The following RBFOX1 variants were observed in gnomAD, a reference collection of about 807,000 sequenced individuals.
The protein encoded by RBFOX1 is RNA binding fox-1 homolog 1.
A neutral mutation model predicts 57.7 loss-of-function variants in RBFOX1; 8 were observed. The observed-to-expected ratio is 0.14, with a 90% confidence interval of 0.08 to 0.25. The LOEUF (loss-of-function observed/expected upper bound fraction) is 0.25. Among genes scored for constraint, RBFOX1 ranks in the 10% least tolerant of loss-of-function variants. The pLI is 1.00. For missense variants in RBFOX1, 611 were observed against 548.5 expected, an observed-to-expected ratio of 1.11 and a Z score of -1.14; for synonymous variants, 326 against 222.4, an observed-to-expected ratio of 1.47 and a Z score of -4.15.
chr16:6,648,084 C>T (rs1365913297), intron 2 of RBFOX1, among the ~76,000 whole-genome samples: 1 of 152,136 alleles, frequency 6.6e-6, no homozygotes, highest in Non-Finnish European at 1.5e-5. Flanking sequence ...CTCAAGTGAT[C>T]CACCTGCCTT....
chr16:7,021,065 C>T (rs1013273724), intron 3 of RBFOX1, among the ~76,000 whole-genome samples: 1 of 152,080 alleles, frequency 6.6e-6, no homozygotes, highest in Admixed American at 6.6e-5. Context: ...GAGGCAGAGG[C>T]TGCAGTGAGC....
intron 1 of RBFOX1, among the ~76,000 whole-genome samples, chr16:6,144,928 T>G (rs1036556511): frequency 2.0e-5 from 3 of 152,216 alleles, no homozygotes; most frequent in Non-Finnish European, 4.4e-5. Flanking sequence ...ATTTGTATTC[T>G]GGAAAATGAA....
At chr16:7,637,456 T>C (rs1048962521) in intron 11 of RBFOX1, among the ~76,000 whole-genome samples, 1 of 152,214 alleles carries the variant, frequency 6.6e-6, no homozygotes, top group Non-Finnish European at 1.5e-5. Flanking sequence ...GTGGAATTCA[T>C]AAAACGATGA....
At chr16:5,482,219 C>G (rs956324509) in intron 2 of RBFOX1, among the ~76,000 whole-genome samples, 1 of 152,184 alleles carries the variant, frequency 6.6e-6, no homozygotes, top group Non-Finnish European at 1.5e-5. Flanking sequence ...CATGGAGCAT[C>G]CAGGGTCGGG....
intron 2 of RBFOX1, among the ~76,000 whole-genome samples, chr16:6,646,793 A>C (rs1251823903): frequency 1.3e-5 from 2 of 152,168 alleles, no homozygotes; most frequent in East Asian, 1.9e-4. Context: ...TGCTTAGCAG[A>C]CAAATTCAAG....
intron 4 of RBFOX1, among the ~76,000 whole-genome samples, chr16:7,385,915 G>C (rs1057283523): frequency 1.1e-5 from 1 of 88,966 alleles, no homozygotes; most frequent in Non-Finnish European, 2.3e-5. Context: ...ACCATGCCCA[G>C]TTACTTATTT....
At position 5,736,506 on chromosome 16, in the gene RBFOX1, G is replaced by A. The variant is rs575325120; in HGVS notation, c.319-130797G>A. Among the ~76,000 whole-genome samples, 3 of 152,228 alleles carry A rather than the reference G, an allele frequency of 2.0e-5. No individual in the cohort carries two copies. In the East Asian group the frequency reaches 5.8e-4, roughly 30 times the overall value. ...GACTCTCCTCCCTGCTTCCCAGTGAGAGGAGGGCTCGCCACCCTGTTTCCT... is the reference window on the plus strand; with the variant it reads ...GACTCTCCTCCCTGCTTCCCAGTGAAAGGAGGGCTCGCCACCCTGTTTCCT... On this transcript the variant is annotated intron_variant, in intron 3 of 19. Transcript: ENST00000641259.
chr16:5,707,037 C>T (rs749122820), intron 3 of RBFOX1, among the ~76,000 whole-genome samples: 38 of 152,166 alleles, frequency 2.5e-4, no homozygotes, highest in Admixed American at 2.2e-3. Flanking sequence ...CTCTCCACCT[C>T]CAGCAGAGCA....
chr16:7,604,234 G>C (rs1297080887), intron 9 of RBFOX1, among the ~76,000 whole-genome samples: 1 of 152,136 alleles, frequency 6.6e-6, no homozygotes, highest in East Asian at 1.9e-4. Context: ...ACTAGAAATT[G>C]GGTTTTCATT....
At chr16:5,937,048 A>G (rs2059182071) in intron 4 of RBFOX1, among the ~76,000 whole-genome samples, 1 of 152,200 alleles carries the variant, frequency 6.6e-6, no homozygotes, top group African/African-American at 2.4e-5. Flanking sequence ...AAATGGGGAT[A>G]AAATCTGGTT....
At chr16:5,852,260 C>T (rs2056916034) in intron 3 of RBFOX1, among the ~76,000 whole-genome samples, 1 of 152,152 alleles carries the variant, frequency 6.6e-6, no homozygotes, top group Non-Finnish European at 1.5e-5. Context: ...GCCCTCCCTC[C>T]CTGCCTTAGG....
chr16:7,428,641 G>A (rs111959522), intron 4 of RBFOX1, among the ~76,000 whole-genome samples: 1 of 151,550 alleles, frequency 6.6e-6, no homozygotes, highest in African/African-American at 2.4e-5. Context: ...ATAGTGCTGG[G>A]ATTACAGGTG....
At chr16:5,543,408 C>T (rs565796902) in intron 2 of RBFOX1, among the ~76,000 whole-genome samples, 1 of 152,188 alleles carries the variant, frequency 6.6e-6, no homozygotes, top group African/African-American at 2.4e-5. Flanking sequence ...GGGGTGAAAT[C>T]AACGGCGGAT....
chr16:5,715,543 C>T (rs1301846945), intron 3 of RBFOX1, among the ~76,000 whole-genome samples: 1 of 152,260 alleles, frequency 6.6e-6, no homozygotes, highest in Non-Finnish European at 1.5e-5. Flanking sequence ...TGACTGATCT[C>T]TCTCTTTTTG....
intron 1 of RBFOX1, among the ~76,000 whole-genome samples, chr16:5,320,386 A>T (rs1410990540): frequency 1.3e-5 from 2 of 152,204 alleles, no homozygotes; most frequent in Non-Finnish European, 1.5e-5. Flanking sequence ...GGAGCAGGAG[A>T]GATTGTGATG....
intron 1 of RBFOX1, among the ~76,000 whole-genome samples, chr16:5,419,708 G>A (rs1056945786): frequency 6.6e-6 from 1 of 152,050 alleles, no homozygotes; most frequent in Non-Finnish European, 1.5e-5. Flanking sequence ...AGGGCTCCCA[G>A]TGAGCCTCAT....
intron 2 of RBFOX1, among the ~76,000 whole-genome samples, chr16:6,463,135 A>G (rs1332885018): frequency 6.6e-6 from 1 of 152,148 alleles, no homozygotes; most frequent in East Asian, 1.9e-4. Context: ...GTAATACTTT[A>G]TAGTTTTTTG....
intron 1 of RBFOX1, among the ~76,000 whole-genome samples, chr16:6,173,499 T>C (rs1350995639): frequency 6.6e-6 from 1 of 152,046 alleles, no homozygotes; most frequent in Non-Finnish European, 1.5e-5. Context: ...CACCAGTGGA[T>C]ATTGTTTCTA....
chr16:5,907,460 G>C (rs887713109), intron 4 of RBFOX1, among the ~76,000 whole-genome samples: 2 of 152,066 alleles, frequency 1.3e-5, no homozygotes, highest in African/African-American at 4.8e-5. Flanking sequence ...ATCATCATCT[G>C]TGTGACATTG....
Sources: gnomAD v4.1 joint callset for allele counts (sites outside exome capture counted in the v4.1 genomes callset) on GRCh38, gnomAD v4.1.1 for gene constraint, MANE v1.5 for transcripts, NCBI Gene and HGNC (gene_info 2026-07-23, HGNC 2026-07-21) for gene names.